Variants in DDX60 observed in about 807,000 individuals in gnomAD.
DDX60 encodes probable ATP-dependent RNA helicase DDX60.
Under a neutral mutation model 212.8 loss-of-function variants are expected in DDX60, and 165 were observed. The ratio of observed to expected loss-of-function variants is 0.78; its 90% CI spans 0.68 to 0.88. DDX60 has a LOEUF of 0.88. Among genes scored for constraint, DDX60 ranks in the 40% least tolerant of loss-of-function variants. DDX60 has a pLI of 0.00. For missense variants in DDX60, 1,905 were observed against 2,003.9 expected (o/e 0.95, Z 0.94); for synonymous variants, 703 against 685.3 (o/e 1.03, Z -0.40).
intron 28 of DDX60, among the ~76,000 whole-genome samples, chr4:168,249,260 C>A (rs1032387616): frequency 6.6e-6 from 1 of 152,082 alleles, no homozygotes; most frequent in South Asian, 2.1e-4. Context: ...AGAAAAGGAG[C>A]AGGACAAACT....
chr4:168,255,490 C>T (rs1387615403), intron 26 of DDX60, among the ~76,000 whole-genome samples: 1 of 152,136 alleles, frequency 6.6e-6, no homozygotes, highest in Non-Finnish European at 1.5e-5. Flanking sequence ...TTCTACCTCT[C>T]CCAAGTCCTA....
intron 6 of DDX60, among the ~76,000 whole-genome samples, chr4:168,297,298 GAAA>G: frequency 2.5e-4 from 1 of 4,080 alleles, no homozygotes; most frequent in South Asian, 9.6e-3. Flanking sequence ...AGAGAGAGAC[GAAA>G]GAAAGAAAGA....
chr4:168,294,969 T>C (rs1736276878), intron 6 of DDX60, among the ~76,000 whole-genome samples: 1 of 152,124 alleles, frequency 6.6e-6, no homozygotes, highest in Non-Finnish European at 1.5e-5. Flanking sequence ...ACATGAAAGA[T>C]ATGCTCAGCG....
At chr4:168,271,993 T>C in intron 19 of DDX60, 50 bp downstream of exon 19, 1 of 1,367,288 alleles carries the variant, frequency 7.3e-7, no homozygotes, top group Non-Finnish European at 1.0e-6. Context: ...TCTTCATTGC[T>C]ATGCAAGTGT....
At chr4:168,280,277 A>T (rs1735530564) in intron 14 of DDX60, 58 bp downstream of exon 14, 4 of 1,541,874 alleles carry the variant, frequency 2.6e-6, no homozygotes, top group South Asian at 1.3e-5. Flanking sequence ...GGCAACTATC[A>T]TCATTACATT....
chr4:168,226,853 T>C (rs978767666), intron 33 of DDX60, among the ~76,000 whole-genome samples: 1 of 151,994 alleles, frequency 6.6e-6, no homozygotes, highest in Admixed American at 6.6e-5. Flanking sequence ...CTTATGCAGA[T>C]AGAGTAGAAG....
chr4:168,267,563 T>C lies in DDX60; in HGVS notation c.3039+19A>G. 3 of 1,343,274 alleles carry C rather than the reference T, an allele frequency of 2.2e-6. No homozygotes were observed. The highest frequency in any genetic ancestry group is 3.0e-6 in the Non-Finnish European group (3 of 984,338). The allele number at this position is 1,343,274 out of a possible 1,614,324, so 83.2% of individuals were successfully genotyped here. A position where few individuals can be genotyped will look rare whatever the true frequency, so the allele number is the denominator to read the frequency against. On this transcript the variant is annotated intron_variant, in intron 22 of 37. Transcript: ENST00000393743. ...TATTTTATATTACTTAGAACAAATA[T>C]GGCTAAAATATTACCTACATGATCT... is the stretch of plus-strand genomic sequence containing the variant.
chr4:168,290,648 G>A (rs1457996545), intron 8 of DDX60, among the ~76,000 whole-genome samples: 2 of 151,934 alleles, frequency 1.3e-5, no homozygotes, highest in East Asian at 1.9e-4. Context: ...GAGCCACCGC[G>A]GCCGGCCTGT....
intron 19 of DDX60, among the ~76,000 whole-genome samples, chr4:168,269,987 G>A (rs1735021129): frequency 6.6e-6 from 1 of 152,144 alleles, no homozygotes. Flanking sequence ...TGCCAGGACT[G>A]CAGTCATGAC....
the DDX60 span, among the ~76,000 whole-genome samples, chr4:168,324,439 G>C: frequency 6.6e-5 from 10 of 152,282 alleles, no homozygotes; most frequent in African/African-American, 9.6e-5. Context: ...AGTCCCTGAG[G>C]GCACTAACAG....
intron 13 of DDX60, 51 bp downstream of exon 13, chr4:168,283,395 G>A: frequency 6.4e-7 from 1 of 1,554,056 alleles, no homozygotes; most frequent in Middle Eastern, 1.9e-4. Flanking sequence ...ATATCAACCT[G>A]ATAAAAGAAA....
chr4:168,304,280 T>C (rs896992111), intron 5 of DDX60, among the ~76,000 whole-genome samples: 3 of 152,156 alleles, frequency 2.0e-5, no homozygotes, highest in South Asian at 2.1e-4. Flanking sequence ...TGGAAGACAG[T>C]TGATGTTGAT....
intron 1 of DDX60, among the ~76,000 whole-genome samples, chr4:168,312,170 A>G (rs1364802010): frequency 6.6e-6 from 1 of 152,108 alleles, no homozygotes; most frequent in African/African-American, 2.4e-5. Context: ...AGGATGACAC[A>G]AGTTTCTAGC....
chr4:168,293,496 C>G (rs923631582), intron 7 of DDX60, among the ~76,000 whole-genome samples: 1 of 152,170 alleles, frequency 6.6e-6, no homozygotes, highest in Non-Finnish European at 1.5e-5. Flanking sequence ...CCAAAACATA[C>G]TAGCATATTA....
In DDX60 at chr4:168,237,803, GAA is replaced by G. The variant is rs1282169543; in HGVS notation, c.4165-10_4165-9del. ...CTTTAGCACTGATAGCACCTTTAAA[GAA>G]AAGAGTATTTTTAGACACACAATGT... On this transcript the variant is annotated splice_polypyrimidine_tract_variant and intron_variant, in intron 30 of 37. Coordinates refer to ENST00000393743, the MANE Select transcript of DDX60 (RefSeq NM_017631.6). 11 of 1,587,528 alleles carry G rather than the reference GAA, an allele frequency of 6.9e-6. No individual in the cohort carries two copies. The highest frequency in any genetic ancestry group is 2.7e-5 in the African/African-American group (2 of 73,918).
At chr4:168,293,691 A>T in intron 7 of DDX60, 96 bp downstream of exon 7, 1 of 1,068,692 alleles carries the variant, frequency 9.4e-7, no homozygotes, top group South Asian at 1.8e-5. Flanking sequence ...AGAGAAAAAC[A>T]TGAAGTACCA....
At chr4:168,283,638 A>G (rs767593552) in intron 12 of DDX60, 32 bp from the exon 13 acceptor site, 1 of 1,537,006 alleles carries the variant, frequency 6.5e-7, no homozygotes, top group South Asian at 1.2e-5. Flanking sequence ...ATGTAACTTT[A>G]TTGTAGTTTT....
upstream of DDX60, among the ~76,000 whole-genome samples, chr4:168,322,103 C>G (rs1025511310): frequency 1.3e-5 from 2 of 152,148 alleles, no homozygotes; most frequent in African/African-American, 4.8e-5. Context: ...CAATGAGGAT[C>G]CACTAATTGA....
intron 33 of DDX60, among the ~76,000 whole-genome samples, chr4:168,228,726 T>TA (rs1733343414): frequency 6.6e-6 from 1 of 152,116 alleles, no homozygotes; most frequent in Non-Finnish European, 1.5e-5. Context: ...TTATATGTAA[T>TA]CACACATAAC....
Sources: allele counts gnomAD v4.1 joint callset (sites outside exome capture counted in the v4.1 genomes callset), GRCh38; gene constraint gnomAD v4.1.1; transcripts MANE v1.5; gene names NCBI Gene and HGNC (gene_info 2026-07-23, HGNC 2026-07-21).